PAX7: variants seen among roughly 807,000 people sequenced by gnomAD.
The protein encoded by PAX7 is paired box 7.
In PAX7, 18 loss-of-function variants were observed where a neutral mutation model predicts 50.7. The observed-to-expected ratio is 0.36, with a 90% CI of 0.25 to 0.53. The LOEUF is 0.53. Among genes scored for constraint, PAX7 ranks in the 20% least tolerant of loss-of-function variants. The pLI is 0.93. For synonymous variants in PAX7, 310 were observed against 290.4 expected (o/e 1.07, Z -0.69); for missense variants, 644 against 702.9 (o/e 0.92, Z 0.95).
At chr1:18,723,384 T>C (rs970290467) in intron 7 of PAX7, among the ~76,000 whole-genome samples, 3 of 152,232 alleles carry the variant, frequency 2.0e-5, no homozygotes, top group Non-Finnish European at 2.9e-5. Flanking sequence ...CTCCAGGAAG[T>C]TGCGCCATGT....
intron 4 of PAX7, among the ~76,000 whole-genome samples, chr1:18,648,316 T>C (rs1373751408): frequency 2.0e-5 from 3 of 150,736 alleles, no homozygotes; most frequent in African/African-American, 7.3e-5. Context: ...TCTTCATCCA[T>C]TCACTCTACT....
At chr1:18,722,611 C>T (rs2089508905) in intron 7 of PAX7, among the ~76,000 whole-genome samples, 1 of 152,158 alleles carries the variant, frequency 6.6e-6, no homozygotes, top group Admixed American at 6.5e-5. Flanking sequence ...GCCTGCGTTC[C>T]CTGCCCTGTG....
At chr1:18,710,566 C>A (rs571795472) in intron 7 of PAX7, among the ~76,000 whole-genome samples, 1 of 151,948 alleles carries the variant, frequency 6.6e-6, no homozygotes, top group East Asian at 1.9e-4. Context: ...AAAACTGATG[C>A]AAATCACTGG....
chr1:18,649,388 G>A (rs1432004828), intron 4 of PAX7, among the ~76,000 whole-genome samples: 1 of 152,124 alleles, frequency 6.6e-6, no homozygotes, highest in Non-Finnish European at 1.5e-5. Context: ...GGCACAGAGA[G>A]TTGATTAGCC....
At chr1:18,705,839 TTC>T (rs2089276660) in intron 7 of PAX7, among the ~76,000 whole-genome samples, 2 of 152,136 alleles carry the variant, frequency 1.3e-5, no homozygotes, top group African/African-American at 2.4e-5. Flanking sequence ...CTCCAGCCCA[TTC>T]CTCAGGGCTG....
intron 4 of PAX7, among the ~76,000 whole-genome samples, chr1:18,640,271 T>C (rs1273732864): frequency 2.0e-5 from 3 of 152,184 alleles, no homozygotes; most frequent in Non-Finnish European, 4.4e-5. Flanking sequence ...GCAGCAGCGA[T>C]AGCTGCTAAT....
chr1:18,697,165 T>C lies in PAX7; in HGVS notation c.787-3488T>C, dbSNP rs16862178. Among the ~76,000 whole-genome samples the C allele has an allele frequency of 5.4e-3, 828 of 152,236 alleles. 9 individuals carry two copies. The highest frequency in any genetic ancestry group is 0.019 in the African/African-American group (801 of 41,538). On this transcript the variant is annotated intron_variant, in intron 5 of 8. Transcript: ENST00000420770. Reference sequence around the variant, plus strand: ...ATGAAGAGAAGGGCCAGATGGAATATTGGACACAGTACACAGATGGCATCA... The same window carrying C: ...ATGAAGAGAAGGGCCAGATGGAATACTGGACACAGTACACAGATGGCATCA...
At chr1:18,667,450 G>C (rs969564567) in intron 4 of PAX7, among the ~76,000 whole-genome samples, 3 of 147,112 alleles carry the variant, frequency 2.0e-5, no homozygotes, top group African/African-American at 5.0e-5. Context: ...AAGGAAGGAA[G>C]GAGCTTTGGT....
At chr1:18,688,407 G>A (rs754360746) in intron 4 of PAX7, among the ~76,000 whole-genome samples, 5 of 152,218 alleles carry the variant, frequency 3.3e-5, no homozygotes, top group Non-Finnish European at 5.9e-5. Context: ...CACCAGCCAC[G>A]TGTGACTATG....
chr1:18,651,994 C>T (rs942646552), intron 4 of PAX7, among the ~76,000 whole-genome samples: 1 of 152,028 alleles, frequency 6.6e-6, no homozygotes, highest in Non-Finnish European at 1.5e-5. Flanking sequence ...GAAGTTGGCT[C>T]TCAGGTCAGG....
intron 4 of PAX7, among the ~76,000 whole-genome samples, chr1:18,669,872 T>C (rs1440872295): frequency 1.3e-5 from 2 of 152,002 alleles, no homozygotes. Flanking sequence ...GATCACGAGG[T>C]CAGGAGTTCG....
chr1:18,716,045 C>T (rs531033506), intron 7 of PAX7, among the ~76,000 whole-genome samples: 4 of 152,260 alleles, frequency 2.6e-5, no homozygotes, highest in African/African-American at 7.2e-5. Flanking sequence ...CCAGGGCTCC[C>T]TAACCTTCCC....
chr1:18,674,892 G>T (rs2088802949), intron 4 of PAX7, among the ~76,000 whole-genome samples: 1 of 152,202 alleles, frequency 6.6e-6, no homozygotes, highest in Non-Finnish European at 1.5e-5. Flanking sequence ...TGCTGGGAAT[G>T]AGACTTCCTA....
chr1:18,738,169 C>T (rs1930907995), intron 8 of PAX7, among the ~76,000 whole-genome samples: 1 of 151,886 alleles, frequency 6.6e-6, no homozygotes, highest in Admixed American at 6.6e-5. Flanking sequence ...TGAATGTGTA[C>T]GTGGGGGTCT....
At position 18,748,673 on chromosome 1, in the gene PAX7, G is replaced by A. The variant is rs984707783; in HGVS notation, c.*3744G>A. The A allele has an allele frequency of 1.3e-5, 3 of 232,234 alleles. No individual in the cohort carries two copies. Among genetic ancestry groups the A allele is most frequent in the Non-Finnish European group, 2.6e-5 (3 of 117,440 alleles). The allele number at this position is 232,234 out of a possible 1,614,324, so 14.4% of individuals were successfully genotyped here. A position where few individuals can be genotyped will look rare whatever the true frequency, so the allele number is the denominator to read the frequency against. ...CGGAAGTGAGTGGGTGTACGTGAGGGTGTGAGTGGGGTGTGTGCGTGGGCG... is the reference window on the plus strand; with the variant it reads ...CGGAAGTGAGTGGGTGTACGTGAGGATGTGAGTGGGGTGTGTGCGTGGGCG... On this transcript the variant is annotated 3_prime_UTR_variant, in exon 9 of 9. Coordinates refer to ENST00000420770, the MANE Select transcript of PAX7 (RefSeq NM_001135254.2).
rs115941698 is a variant in PAX7 at position 18,636,169 on chromosome 1, G to C, written c.452-68G>C. The C allele has an allele frequency of 1.3e-6, 2 of 1,555,424 alleles. No homozygotes were observed. The highest frequency in any genetic ancestry group is 2.3e-5 in the East Asian group (1 of 44,322). On this transcript the variant is annotated intron_variant, in intron 3 of 8. Coordinates refer to ENST00000420770, the MANE Select transcript of PAX7 (RefSeq NM_001135254.2). This position sits in a 1 kb window ranked among gnomAD's most constrained non-coding sequence, Gnocchi z 5.1. ...GGGGCTTCCTGACTTTCTCCCAGGG[G>C]CCCAGGCCACCGCTCGCTCCTCTGC... is the stretch of plus-strand genomic sequence containing the variant.
chr1:18,631,785 C>A, intron 1 of PAX7, 97 bp downstream of exon 1: 13 of 1,007,598 alleles, frequency 1.3e-5, no homozygotes, highest in Non-Finnish European at 1.7e-5. Flanking sequence ...GCGGCGCCGG[C>A]GATAGCAGAG....
At chr1:18,638,544 C>A (rs991741197) in intron 4 of PAX7, among the ~76,000 whole-genome samples, 2 of 152,298 alleles carry the variant, frequency 1.3e-5, no homozygotes, top group South Asian at 4.1e-4. Context: ...GCAGTTTTTG[C>A]GTGACAGTGG....
At chr1:18,646,429 A>G (rs2088339740) in intron 4 of PAX7, among the ~76,000 whole-genome samples, 1 of 152,006 alleles carries the variant, frequency 6.6e-6, no homozygotes, top group Admixed American at 6.5e-5. Context: ...TCTCGGCGGT[A>G]CCTGAGCCTC....
Sources: allele counts gnomAD v4.1 joint callset (sites outside exome capture counted in the v4.1 genomes callset), GRCh38; gene constraint gnomAD v4.1.1; non-coding constraint Gnocchi (gnomAD v3.1); transcripts MANE v1.5; gene names NCBI Gene and HGNC (gene_info 2026-07-23, HGNC 2026-07-21).